The following TEX11 variants were observed in gnomAD, a reference collection of about 807,000 sequenced individuals.
TEX11 encodes testis-expressed protein 11.
In TEX11, 7 loss-of-function variants were observed where a neutral mutation model predicts 84.4. The observed-to-expected ratio is 0.08, with a 90% confidence interval of 0.05 to 0.16. TEX11 has a LOEUF of 0.16. Among genes scored for constraint, TEX11 ranks in the 10% least tolerant of loss-of-function variants. The pLI is 1.00. For synonymous variants in TEX11, 264 were observed against 222.8 expected (o/e 1.18, Z -1.64); for missense variants, 551 against 660.5 (o/e 0.83, Z 1.82).
chrX:70,753,078 C>T (rs2090840663), intron 9 of TEX11, among the ~76,000 whole-genome samples: 1 of 109,533 alleles, frequency 9.1e-6, no homozygotes, highest in Admixed American at 9.8e-5. Context: ...AGCCCCGCCA[C>T]CGTGGGCTAA....
At position 70,722,643 on chromosome X, in the gene TEX11, C is replaced by T; in HGVS notation, c.979G>A (p.Ala327Thr). Reference sequence around the variant, plus strand: ...CTTTCATGATCCATCAGCAGTTTAGCAATGTTCAGACAGAAGTCTAAGGGC... The same window carrying T: ...CTTTCATGATCCATCAGCAGTTTAGTAATGTTCAGACAGAAGTCTAAGGGC... ...DMPLDFCLNI[A>T]KLLMDHERES... Residue 327 changes from alanine (A) to threonine (T), a missense_variant, in exon 13 of 30, where the codon GCT becomes ACT. Coordinates refer to ENST00000374333, the MANE Select transcript of TEX11 (RefSeq NM_031276.3). 1 of 1,205,987 alleles carries T rather than the reference C, an allele frequency of 8.3e-7. No homozygotes were observed. Among genetic ancestry groups the T allele is most frequent in the Non-Finnish European group, 1.1e-6 (1 of 891,202 alleles).
chrX:70,754,986 G>A (rs186813349), intron 9 of TEX11, among the ~76,000 whole-genome samples: 77 of 111,883 alleles, frequency 6.9e-4, no homozygotes, highest in African/African-American at 2.2e-3. Flanking sequence ...TGAACATGGG[G>A]AAAGCCTTCC....
At chrX:70,892,781 C>A (rs1006662088) in intron 2 of TEX11, among the ~76,000 whole-genome samples, 2 of 108,946 alleles carry the variant, frequency 1.8e-5, no homozygotes, top group Admixed American at 2.0e-4. Flanking sequence ...GAGTCAAGAC[C>A]CATCACTGTG....
intron 13 of TEX11, among the ~76,000 whole-genome samples, chrX:70,716,963 T>G (rs1321628916): frequency 8.9e-6 from 1 of 112,466 alleles, no homozygotes; most frequent in South Asian, 3.6e-4. Context: ...TACTTAAATG[T>G]TAATGTCAGA....
intron 17 of TEX11, among the ~76,000 whole-genome samples, chrX:70,644,303 A>G (rs1358464646): frequency 9.3e-6 from 1 of 107,079 alleles, no homozygotes; most frequent in East Asian, 3.0e-4. Context: ...GAGAAATAGG[A>G]ATGCTTTTAC....
chrX:70,898,628 T>C (rs2091786102), intron 2 of TEX11, among the ~76,000 whole-genome samples: 1 of 104,209 alleles, frequency 9.6e-6, no homozygotes, highest in Non-Finnish European at 2.0e-5. Flanking sequence ...TTTTTTGAGA[T>C]GGAGTCTCAC....
At chrX:70,618,707 T>G (rs891635708) in intron 20 of TEX11, among the ~76,000 whole-genome samples, 1 of 111,679 alleles carries the variant, frequency 9.0e-6, no homozygotes, top group Admixed American at 9.5e-5. Context: ...TAGATGCAAA[T>G]GCTCAGAGTG....
At chrX:70,640,492 G>A (rs1265185189) in intron 17 of TEX11, among the ~76,000 whole-genome samples, 1 of 110,097 alleles carries the variant, frequency 9.1e-6, no homozygotes, top group African/African-American at 3.3e-5. Flanking sequence ...TTGAAATGAA[G>A]GAAAAAATGT....
intron 8 of TEX11, among the ~76,000 whole-genome samples, chrX:70,811,116 G>C (rs1175065100): frequency 1.8e-5 from 2 of 111,089 alleles, no homozygotes; most frequent in Non-Finnish European, 3.8e-5. Context: ...ATGTTGGTGT[G>C]CTGCACCCAT....
chrX:70,513,736 G>C, the TEX11 span, among the ~76,000 whole-genome samples: 1 of 108,095 alleles, frequency 9.3e-6, no homozygotes, highest in Admixed American at 9.9e-5. Flanking sequence ...TGGGCTCTTG[G>C]CTAAGGACAG....
At chrX:70,532,956 T>A (rs1384068355) in intron 28 of TEX11, among the ~76,000 whole-genome samples, 1 of 110,589 alleles carries the variant, frequency 9.0e-6, no homozygotes, top group Non-Finnish European at 1.9e-5. Flanking sequence ...GAGAATGGCG[T>A]GAACCTGGGA....
chrX:70,544,605 C>T (rs928055636), intron 28 of TEX11, among the ~76,000 whole-genome samples: 1 of 108,553 alleles, frequency 9.2e-6, no homozygotes. Context: ...TTCGGGAGGT[C>T]GAGGCGGATG....
chrX:70,866,252 T>C (rs1407065172), intron 4 of TEX11, among the ~76,000 whole-genome samples: 1 of 111,074 alleles, frequency 9.0e-6, no homozygotes, highest in Non-Finnish European at 1.9e-5. Flanking sequence ...CAGAGAATAC[T>C]ATAAACACCT....
At chrX:70,526,858 G>A (rs2087828118), downstream of TEX11, among the ~76,000 whole-genome samples, 1 of 111,190 alleles carries the variant, frequency 9.0e-6, no homozygotes, top group Non-Finnish European at 1.9e-5. Flanking sequence ...ATAAGCTCTG[G>A]TGCATCTTAT....
intron 8 of TEX11, among the ~76,000 whole-genome samples, chrX:70,811,840 G>A (rs1370547828): frequency 8.9e-6 from 1 of 111,781 alleles, no homozygotes; most frequent in Non-Finnish European, 1.9e-5. Context: ...AGAAGTGTCT[G>A]TTCATATCCT....
intron 11 of TEX11, among the ~76,000 whole-genome samples, chrX:70,735,899 G>A (rs1313015394): frequency 8.9e-6 from 1 of 111,965 alleles, no homozygotes; most frequent in Non-Finnish European, 1.9e-5. Flanking sequence ...CCACTGGTAC[G>A]TATTATTTGG....
chrX:70,630,362 C>T (rs2089497836), intron 17 of TEX11, among the ~76,000 whole-genome samples: 1 of 106,830 alleles, frequency 9.4e-6, no homozygotes, highest in South Asian at 4.1e-4. Flanking sequence ...TAAATTCCAT[C>T]ATAATTAATG....
chrX:70,721,274 C>G (rs1603236463), intron 13 of TEX11, among the ~76,000 whole-genome samples: 2 of 111,809 alleles, frequency 1.8e-5, no homozygotes, highest in Admixed American at 9.6e-5. Context: ...ACCACAGCAA[C>G]TATATTAGCC....
At chrX:70,887,601 G>T (rs928476214) in intron 2 of TEX11, among the ~76,000 whole-genome samples, 2 of 112,178 alleles carry the variant, frequency 1.8e-5, no homozygotes, top group African/African-American at 6.5e-5. Flanking sequence ...TCCAGGTCCC[G>T]GCTCCCAGAC....
Sources: allele counts gnomAD v4.1 joint callset (sites outside exome capture counted in the v4.1 genomes callset), GRCh38; gene constraint gnomAD v4.1.1; transcripts MANE v1.5; gene names NCBI Gene and HGNC (gene_info 2026-07-23, HGNC 2026-07-21).